The following EPHA6 variants were observed in gnomAD, a reference collection of about 807,000 sequenced individuals.
EPHA6 encodes the protein EPH receptor A6.
Under a neutral mutation model 112.0 loss-of-function variants are expected in EPHA6, and 50 were observed. The ratio of observed to expected loss-of-function variants is 0.45; its 90% CI spans 0.36 to 0.56. The LOEUF (loss-of-function observed/expected upper bound fraction) is 0.56. Among genes scored for constraint, EPHA6 ranks in the 20% least tolerant of loss-of-function variants. The pLI is 0.00. For synonymous variants in EPHA6, 529 were observed against 490.7 expected (o/e 1.08, Z -1.03); for missense variants, 1,280 against 1,417.4 (o/e 0.90, Z 1.56).
intron 3 of EPHA6, among the ~76,000 whole-genome samples, chr3:97,033,821 G>A (rs2044974499): frequency 6.6e-6 from 1 of 151,916 alleles, no homozygotes; most frequent in South Asian, 2.1e-4. Context: ...ATAAAATGCT[G>A]TTATGTCTAA....
chr3:97,286,249 T>C (rs1489401894), intron 5 of EPHA6, among the ~76,000 whole-genome samples: 2 of 152,192 alleles, frequency 1.3e-5, no homozygotes, highest in Admixed American at 1.3e-4. Flanking sequence ...TAATATACTC[T>C]ATTACTCCAT....
intron 2 of EPHA6, among the ~76,000 whole-genome samples, chr3:96,970,556 A>G (rs1274159258): frequency 6.6e-6 from 1 of 152,056 alleles, no homozygotes; most frequent in Non-Finnish European, 1.5e-5. Context: ...CCATTAGTGG[A>G]AGCATTCACA....
chr3:97,109,240 A>G (rs2047651472), intron 3 of EPHA6, among the ~76,000 whole-genome samples: 2 of 152,216 alleles, frequency 1.3e-5, no homozygotes, highest in Admixed American at 1.3e-4. Flanking sequence ...TACCTAGAGC[A>G]GACTGCCTTG....
intron 14 of EPHA6, among the ~76,000 whole-genome samples, chr3:97,676,035 A>G (rs917333925): frequency 6.6e-6 from 1 of 152,126 alleles, no homozygotes; most frequent in South Asian, 2.1e-4. Context: ...AGGGGGAAAA[A>G]ATTGCTAAAT....
At chr3:97,299,215 G>T (rs1186146263) in intron 5 of EPHA6, among the ~76,000 whole-genome samples, 1 of 148,812 alleles carries the variant, frequency 6.7e-6, no homozygotes, top group Admixed American at 6.7e-5. Flanking sequence ...GTGTGTGTAG[G>T]GGGGAGTGTG....
intron 6 of EPHA6, among the ~76,000 whole-genome samples, chr3:97,428,572 C>G (rs2089303737): frequency 6.6e-6 from 1 of 152,102 alleles, no homozygotes; most frequent in African/African-American, 2.4e-5. Flanking sequence ...ATCACATGGG[C>G]ATATTAAATG....
chr3:96,992,631 T>C (rs1248536340), intron 3 of EPHA6, among the ~76,000 whole-genome samples: 1 of 152,112 alleles, frequency 6.6e-6, no homozygotes, highest in Admixed American at 6.5e-5. Flanking sequence ...CTTTCTGATA[T>C]ATTGATTCTA....
chr3:97,337,924 A>G (rs992721938), intron 5 of EPHA6, among the ~76,000 whole-genome samples: 1 of 152,156 alleles, frequency 6.6e-6, no homozygotes. Context: ...TAAGCCAGGG[A>G]AGACTAGCAG....
In EPHA6 at chr3:97,465,193, C is replaced by T. The variant is rs192497495; in HGVS notation, c.1895-10159C>T. On this transcript the variant is annotated intron_variant, in intron 7 of 17. Coordinates refer to ENST00000389672, the MANE Select transcript of EPHA6 (RefSeq NM_001080448.3). The stretch of plus-strand genomic sequence containing the variant: ...TCAGTTTTAGAAAGATATTTACTCC[C>T]ACATTTGTAGATCCTAATATTAAGC... 4.1e-3 allele frequency among the ~76,000 whole-genome samples: 621 copies of T among 152,178 alleles called. 5 individuals carry two copies. Among genetic ancestry groups the T allele is most frequent in the African/African-American group, 0.014 (561 of 41,524 alleles).
At chr3:97,481,311 G>A (rs893274867) in intron 9 of EPHA6, 33 of 1,549,562 alleles carry the variant, frequency 2.1e-5, no homozygotes, top group Non-Finnish European at 2.8e-5. Flanking sequence ...CTTGGAGGGA[G>A]ATTCCAGTTG....
intron 7 of EPHA6, among the ~76,000 whole-genome samples, chr3:97,462,111 T>C (rs2090909910): frequency 6.6e-6 from 1 of 152,212 alleles, no homozygotes; most frequent in South Asian, 2.1e-4. Context: ...TCTGGTTCTG[T>C]CCTTTCTAAC....
intron 3 of EPHA6, among the ~76,000 whole-genome samples, chr3:97,173,902 T>C (rs2076763666): frequency 6.6e-6 from 1 of 151,764 alleles, no homozygotes; most frequent in Non-Finnish European, 1.5e-5. Context: ...AGTTACATTA[T>C]TTATTTTAAA....
chr3:97,292,827 T>C (rs910468367), intron 5 of EPHA6, among the ~76,000 whole-genome samples: 1 of 149,312 alleles, frequency 6.7e-6, no homozygotes, highest in Non-Finnish European at 1.5e-5. Flanking sequence ...AGCGTCCTGC[T>C]CTCAGCAGAG....
rs1253269071 is a variant in EPHA6 at position 97,756,771 on chromosome 3, A to G, written c.*8070A>G. On this transcript the variant is annotated 3_prime_UTR_variant, in exon 18 of 18. Coordinates refer to ENST00000389672, the MANE Select transcript of EPHA6 (RefSeq NM_001080448.3). ...CAATATCTGAGCAGTGTTAACAAAT[A>G]TGAACATGAGTAACATTTGATGTAA... is the stretch of plus-strand genomic sequence containing the variant. 6.6e-6 allele frequency among the ~76,000 whole-genome samples: 1 copy of G among 151,878 alleles called. No individual in the cohort carries two copies. The highest frequency in any genetic ancestry group is 1.9e-4 in the East Asian group (1 of 5,198).
intron 14 of EPHA6, among the ~76,000 whole-genome samples, chr3:97,713,688 T>A (rs1299756143): frequency 6.6e-6 from 1 of 152,214 alleles, no homozygotes; most frequent in Non-Finnish European, 1.5e-5. Context: ...TGTCTACATG[T>A]GTATTTCAAG....
At chr3:97,506,920 C>A (rs1048055517) in intron 10 of EPHA6, among the ~76,000 whole-genome samples, 4 of 152,034 alleles carry the variant, frequency 2.6e-5, no homozygotes, top group Non-Finnish European at 5.9e-5. Context: ...GTATTTTATT[C>A]CCTTTGTAGT....
intron 3 of EPHA6, among the ~76,000 whole-genome samples, chr3:97,088,451 A>G (rs776102203): frequency 3.3e-5 from 5 of 152,206 alleles, no homozygotes; most frequent in Admixed American, 6.5e-5. Context: ...TTAGATACCT[A>G]GAGCTGTTTG....
intron 7 of EPHA6, chr3:97,466,298 A>T: frequency 7.0e-7 from 1 of 1,430,222 alleles, no homozygotes; most frequent in Non-Finnish European, 9.8e-7. Context: ...CTCAAGCAAC[A>T]TAATAAACAA....
chr3:96,828,630 C>T (rs2033820068), intron 1 of EPHA6, among the ~76,000 whole-genome samples: 1 of 152,140 alleles, frequency 6.6e-6, no homozygotes, highest in Admixed American at 6.6e-5. Flanking sequence ...ACCATGGTTT[C>T]TGGCCAGATT....
Sources: allele counts gnomAD v4.1 joint callset (sites outside exome capture counted in the v4.1 genomes callset), GRCh38; gene constraint gnomAD v4.1.1; transcripts MANE v1.5; gene names NCBI Gene and HGNC (gene_info 2026-07-23, HGNC 2026-07-21).